EIF3L: variants seen among roughly 807,000 people sequenced by gnomAD.
EIF3L encodes eIEF associated protein HSPC021.
A neutral mutation model predicts 74.6 loss-of-function variants in EIF3L; 32 were observed. The ratio of observed to expected loss-of-function variants is 0.43; its 90% CI spans 0.32 to 0.58. The LOEUF (loss-of-function observed/expected upper bound fraction) is 0.58. EIF3L is among the 20% of genes least tolerant of loss of function. The pLI is 0.06. For missense variants in EIF3L, 474 were observed against 707.8 expected (o/e 0.67, Z 3.75); for synonymous variants, 256 against 254.4 (o/e 1.01, Z -0.06).
At chr22:37,851,578 CAGTA>C in intron 3 of EIF3L, 88 bp downstream of exon 3, 1 of 730,258 alleles carries the variant, frequency 1.4e-6, no homozygotes. Flanking sequence ...ACTCTGTAAA[CAGTA>C]CTTTCGGGGG....
At chr22:37,888,213 A>G in intron 12 of EIF3L, 1 of 533,668 alleles carries the variant, frequency 1.9e-6, no homozygotes, top group Non-Finnish European at 3.3e-6. Context: ...GGGTTTGTTG[A>G]GTGTGAAGGG....
chr22:37,849,498 G>C lies in EIF3L; in HGVS notation c.33+16G>C. On this transcript the variant is annotated intron_variant, in intron 1 of 12. Transcript: ENST00000652021. ...TGAGTCTGAGGTAAGGTGGCCGTAA[G>C]GGCGCGGTGGGCTCCACGACGGGGT... 6.3e-7 allele frequency: 1 copy of C among 1,582,414 alleles called. No homozygotes were observed. The highest frequency in any genetic ancestry group is 8.6e-7 in the Non-Finnish European group (1 of 1,158,442).
In EIF3L at chr22:37,855,653, G is replaced by A; in HGVS notation, c.373+9G>A. ...TCCACAGGTTGGCAATGGTAGGTGTGAGCTCTTTATATCTTGTGCACTGAG... is the reference window on the plus strand; with the variant it reads ...TCCACAGGTTGGCAATGGTAGGTGTAAGCTCTTTATATCTTGTGCACTGAG... On this transcript the variant is annotated intron_variant, in intron 4 of 12. Transcript: ENST00000652021. 6.2e-7 allele frequency: 1 copy of A among 1,612,938 alleles called. No individual in the cohort carries two copies. The highest frequency in any genetic ancestry group is 8.5e-7 in the Non-Finnish European group (1 of 1,178,966).
chr22:37,865,447 A>G (rs763001490), intron 7 of EIF3L, among the ~76,000 whole-genome samples: 4 of 152,134 alleles, frequency 2.6e-5, no homozygotes, highest in Admixed American at 6.5e-5. Context: ...CGACAGAGTG[A>G]GACTCTGTCT....
chr22:37,867,966 AAAAAG>A (rs1926246944), intron 7 of EIF3L, among the ~76,000 whole-genome samples: 2 of 151,462 alleles, frequency 1.3e-5, no homozygotes, highest in Non-Finnish European at 2.9e-5. Flanking sequence ...AAAAAAAAAA[AAAAAG>A]AAAAAGAAAA....
intron 6 of EIF3L, 65 bp downstream of exon 6, chr22:37,863,103 C>CTTTTTTT: frequency 9.8e-7 from 1 of 1,025,576 alleles, no homozygotes. Context: ...TGGCCTCCAG[C>CTTTTTTT]TTTTTTTTTT....
At chr22:37,864,461 C>G (rs1381577162) in intron 7 of EIF3L, among the ~76,000 whole-genome samples, 2 of 151,914 alleles carry the variant, frequency 1.3e-5, no homozygotes, top group Non-Finnish European at 2.9e-5. Flanking sequence ...CGAATGAGAA[C>G]TGTGCCAAAT....
Position 37,858,747 on chromosome 22 carries a change from AT to A in EIF3L, c.435+10del. ...CATATATGCCAAAGTCAGTGTAAGTATTTAAGTGTCGCAGTTTTTTTTTTGT... is the reference window on the plus strand; with the variant it reads ...CATATATGCCAAAGTCAGTGTAAGTATTAAGTGTCGCAGTTTTTTTTTTGT... On this transcript the variant is annotated splice_region_variant and intron_variant, in intron 5 of 12. Coordinates refer to ENST00000652021, the MANE Select transcript of EIF3L (RefSeq NM_016091.4). 1 of 1,595,536 alleles carries A rather than the reference AT, an allele frequency of 6.3e-7. No individual in the cohort carries two copies. Among genetic ancestry groups the A allele is most frequent in the Non-Finnish European group, 8.5e-7 (1 of 1,174,922 alleles).
intron 7 of EIF3L, among the ~76,000 whole-genome samples, chr22:37,866,233 G>A (rs1054038933): frequency 2.0e-4 from 31 of 152,154 alleles, no homozygotes; most frequent in African/African-American, 7.5e-4. Context: ...ACTGTGACTT[G>A]TTAACACACT....
chr22:37,877,332 A>G (rs552468688), intron 10 of EIF3L: 8 of 239,188 alleles, frequency 3.3e-5, no homozygotes, highest in Non-Finnish European at 4.9e-5. Flanking sequence ...TATTTAGTCT[A>G]TATTTCTGTC....
intron 4 of EIF3L, chr22:37,858,446 G>A (rs1245969655): frequency 3.9e-6 from 2 of 515,416 alleles, no homozygotes; most frequent in Non-Finnish European, 6.8e-6. Context: ...TCTCTAAATG[G>A]TGAAAGGAAA....
chr22:37,849,483 G>A lies in EIF3L; in HGVS notation c.33+1G>A. On this transcript the variant is annotated splice_donor_variant, in intron 1 of 12. Transcript: ENST00000652021. LOFTEE classifies it high-confidence loss of function. Reference sequence around the variant, plus strand: ...TCCCGCTGATGATTATGAGTCTGAGGTAAGGTGGCCGTAAGGGCGCGGTGG... The same window carrying A: ...TCCCGCTGATGATTATGAGTCTGAGATAAGGTGGCCGTAAGGGCGCGGTGG... 1 of 1,598,358 alleles carries A rather than the reference G, an allele frequency of 6.3e-7. No individual in the cohort carries two copies. Among genetic ancestry groups the A allele is most frequent in the Non-Finnish European group, 8.6e-7 (1 of 1,169,200 alleles).
chr22:37,856,311 A>G (rs1423038724), intron 4 of EIF3L, among the ~76,000 whole-genome samples: 1 of 152,074 alleles, frequency 6.6e-6, no homozygotes, highest in East Asian at 1.9e-4. Context: ...TGCTGACGTC[A>G]GGTGATTCGC....
At chr22:37,884,991 C>T (rs1927244993) in intron 11 of EIF3L, 1 of 135,734 alleles carries the variant, frequency 7.4e-6, no homozygotes, top group South Asian at 2.5e-4. Context: ...AATCACAGCT[C>T]ACTGCAGCCT....
intron 7 of EIF3L, among the ~76,000 whole-genome samples, chr22:37,868,664 C>T (rs1460411839): frequency 4.9e-5 from 1 of 20,522 alleles, no homozygotes; most frequent in Non-Finnish European, 1.0e-4. Flanking sequence ...TTTTTTGAGA[C>T]GGAGTTTTGC....
intron 7 of EIF3L, among the ~76,000 whole-genome samples, chr22:37,869,262 G>T (rs1926347478): frequency 1.3e-5 from 2 of 152,276 alleles, no homozygotes; most frequent in Admixed American, 1.3e-4. Flanking sequence ...CTTAGTAGCG[G>T]AGACTGCAGG....
chr22:37,857,083 C>T (rs1158033461), intron 4 of EIF3L, among the ~76,000 whole-genome samples: 1 of 151,712 alleles, frequency 6.6e-6, no homozygotes, highest in Non-Finnish European at 1.5e-5. Flanking sequence ...TCCTCCAGGC[C>T]AGGCGCGGTG....
chr22:37,858,100 C>T (rs1925631529), intron 4 of EIF3L, among the ~76,000 whole-genome samples: 1 of 151,826 alleles, frequency 6.6e-6, no homozygotes, highest in Admixed American at 6.6e-5. Flanking sequence ...CACTTGAGCC[C>T]TGGAAGTCGA....
At position 37,872,795 on chromosome 22, in the gene EIF3L, C is replaced by CT. The variant is rs879687789; in HGVS notation, c.752-1565dup. ...CACCATACCTGGCTGATTTTTTTTTCTTTTTTTTTTGGTAGAAACAAGGTC... is the reference window on the plus strand; with the variant it reads ...CACCATACCTGGCTGATTTTTTTTTCTTTTTTTTTTTGGTAGAAACAAGGTC... On this transcript the variant is annotated intron_variant, in intron 8 of 12. Transcript: ENST00000652021. 2.2e-3 allele frequency among the ~76,000 whole-genome samples: 321 copies of CT among 144,242 alleles called. 4 individuals are homozygous for CT. In the East Asian group the frequency reaches 0.034, roughly 15 times the overall value. The allele number at this position is 144,242 out of a possible 152,430, so 94.6% of individuals were successfully genotyped here. A position where few individuals can be genotyped will look rare whatever the true frequency, so the allele number is the denominator to read the frequency against.
Sources: allele counts gnomAD v4.1 joint callset (sites outside exome capture counted in the v4.1 genomes callset), GRCh38; gene constraint gnomAD v4.1.1; transcripts MANE v1.5; gene names NCBI Gene and HGNC (gene_info 2026-07-23, HGNC 2026-07-21).